Variants in CERKL observed in about 807,000 individuals in gnomAD.
The protein encoded by CERKL is ceramide kinase-like protein.
Under a neutral mutation model 63.4 loss-of-function variants are expected in CERKL, and 61 were observed. That is an observed-to-expected ratio of 0.96 (90% CI 0.78 to 1.19). The LOEUF (loss-of-function observed/expected upper bound fraction) is 1.19, where lower values mean the gene tolerates loss of function less well. CERKL is among the 50% of genes most tolerant of loss of function. The pLI is 0.00. For missense variants in CERKL, 675 were observed against 655.5 expected (o/e 1.03, Z -0.33); for synonymous variants, 250 against 230.5 (o/e 1.08, Z -0.77).
chr2:181,581,390 T>G (rs1684504642), intron 2 of CERKL, among the ~76,000 whole-genome samples: 1 of 152,188 alleles, frequency 6.6e-6, no homozygotes, highest in Admixed American at 6.5e-5. Flanking sequence ...CTGTATTATG[T>G]TTATGGAACT....
chr2:181,558,839 CAT>C lies in CERKL; in HGVS notation c.678-133_678-132del. 1 of 866,424 alleles carries C rather than the reference CAT, an allele frequency of 1.2e-6. No individual in the cohort carries two copies. The highest frequency in any genetic ancestry group is 2.6e-5 in the East Asian group (1 of 37,906). 53.7% of individuals were successfully genotyped at this position (866,424 alleles called of 1,614,324 possible). ...ATAACTGCTCACATGTACCTTTAAA[CAT>C]GTTAATATGTGTCAATGGGTAAGAC... On this transcript the variant is annotated intron_variant, in intron 4 of 12. Coordinates refer to ENST00000410087, the MANE Select transcript of CERKL (RefSeq NM_201548.5). The surrounding 1 kb of genome is among the most constrained non-coding windows in gnomAD (Gnocchi z 4.2).
chr2:181,555,411 T>C (rs574768327), intron 5 of CERKL, among the ~76,000 whole-genome samples: 2 of 152,200 alleles, frequency 1.3e-5, no homozygotes, highest in African/African-American at 2.4e-5. Flanking sequence ...GTCAAAATCA[T>C]CTTGGTGTCT....
intron 2 of CERKL, among the ~76,000 whole-genome samples, chr2:181,597,261 T>C (rs1321718141): frequency 6.6e-6 from 1 of 152,196 alleles, no homozygotes; most frequent in Non-Finnish European, 1.5e-5. Flanking sequence ...ACAATTCTGA[T>C]AAAATTAGGA....
intron 1 of CERKL, among the ~76,000 whole-genome samples, chr2:181,643,574 T>C (rs181416182): frequency 6.6e-6 from 1 of 152,354 alleles, no homozygotes; most frequent in East Asian, 1.9e-4. Context: ...ATGGCAATGG[T>C]AAGAATTGTT....
chr2:181,643,314 C>A (rs1418063577), intron 1 of CERKL, among the ~76,000 whole-genome samples: 1 of 152,180 alleles, frequency 6.6e-6, no homozygotes, highest in Non-Finnish European at 1.5e-5. Context: ...ACAACCTGTC[C>A]AAAGTCTGTT....
intron 1 of CERKL, among the ~76,000 whole-genome samples, chr2:181,634,695 A>G (rs1687101353): frequency 6.6e-6 from 1 of 152,170 alleles, no homozygotes; most frequent in South Asian, 2.1e-4. Context: ...GAAAAAGATC[A>G]TTGTTATTCT....
At chr2:181,541,838 C>T (rs1253295413) in intron 11 of CERKL, among the ~76,000 whole-genome samples, 3 of 152,138 alleles carry the variant, frequency 2.0e-5, no homozygotes, top group African/African-American at 4.8e-5. Flanking sequence ...GCCATTGACC[C>T]GCACAGAGCA....
chr2:181,634,447 G>A (rs775754108), intron 1 of CERKL, among the ~76,000 whole-genome samples: 1 of 152,114 alleles, frequency 6.6e-6, no homozygotes, highest in Admixed American at 6.5e-5. Flanking sequence ...GCAGACAAAA[G>A]AGCATCAGTA....
chr2:181,557,198 C>CA (rs1321807125), intron 5 of CERKL, among the ~76,000 whole-genome samples: 1 of 152,084 alleles, frequency 6.6e-6, no homozygotes, highest in African/African-American at 2.4e-5. Flanking sequence ...GTTGCCTGTT[C>CA]ACTCTGATGG....
chr2:181,603,760 T>C (rs1345373958), intron 2 of CERKL, 77 bp downstream of exon 2: 3 of 1,437,182 alleles, frequency 2.1e-6, no homozygotes, highest in Non-Finnish European at 2.9e-6. Flanking sequence ...AAGTTGTTTT[T>C]ACTCAAAACA....
chr2:181,623,717 G>T (rs1282797913), intron 1 of CERKL, among the ~76,000 whole-genome samples: 1 of 152,062 alleles, frequency 6.6e-6, no homozygotes, highest in East Asian at 1.9e-4. Context: ...TCTCTCATCT[G>T]CAATTCTGAA....
intron 12 of CERKL, 105 bp from the exon 13 acceptor site, chr2:181,538,349 C>T (rs1687305026): frequency 4.4e-6 from 3 of 678,284 alleles, no homozygotes; most frequent in Non-Finnish European, 8.0e-6. Flanking sequence ...TGATAACAAA[C>T]ACAGCATTCC....
chr2:181,604,187 A>G, intron 1 of CERKL, 108 bp from the exon 2 acceptor site: 1 of 882,768 alleles, frequency 1.1e-6, no homozygotes, highest in Non-Finnish European at 1.8e-6. Flanking sequence ...GAGAGGATCA[A>G]GAAAAATAAC....
intron 1 of CERKL, among the ~76,000 whole-genome samples, chr2:181,608,136 C>G (rs1685796369): frequency 6.6e-6 from 1 of 151,808 alleles, no homozygotes; most frequent in Non-Finnish European, 1.5e-5. Flanking sequence ...TCCCTAGTAA[C>G]TGGGACCACA....
chr2:181,641,324 T>TATATATATATATATATATAC (rs1687422271), intron 1 of CERKL, among the ~76,000 whole-genome samples: 1 of 108,716 alleles, frequency 9.2e-6, no homozygotes, highest in Admixed American at 8.4e-5. Flanking sequence ...TATATATATA[T>TATATATATATATATATATAC]ATATATATAT....
chr2:181,647,850 C>T (rs1352951309), intron 1 of CERKL, among the ~76,000 whole-genome samples: 1 of 151,794 alleles, frequency 6.6e-6, no homozygotes, highest in Non-Finnish European at 1.5e-5. Flanking sequence ...ATACAAACAA[C>T]CCAATGAAAT....
chr2:181,574,792 T>C (rs12479005), intron 2 of CERKL, among the ~76,000 whole-genome samples: 19,343 of 152,146 alleles, frequency 0.13, 1,592 homozygotes, highest in East Asian at 0.26. Context: ...CAAGTGAAAA[T>C]TGTCCACTAC....
Position 181,548,594 on chromosome 2 carries a change from A to G in CERKL, c.1084T>C (p.Cys362Arg). 1 of 1,613,206 alleles carries G rather than the reference A, an allele frequency of 6.2e-7. No individual in the cohort carries two copies. Residue 362 changes from cysteine (C) to arginine (R), a missense_variant, in exon 8 of 13, where the codon TGT (cysteine) becomes CGT (arginine). By Grantham distance (180) the Cys-to-Arg change is radical (BLOSUM62 -3). Coordinates refer to ENST00000410087, the MANE Select transcript of CERKL (RefSeq NM_201548.5). ...KALAKLKAED[C>R]EISFLPFNSS... Reference sequence around the variant, plus strand: ...TTAAATGGTAAAAATGATATTTCACAGTCTTCTGCCCTAAAATGTAATGAA... The same window carrying G: ...TTAAATGGTAAAAATGATATTTCACGGTCTTCTGCCCTAAAATGTAATGAA...
chr2:181,544,127 G>C (rs1475211230), intron 11 of CERKL, among the ~76,000 whole-genome samples: 1 of 152,080 alleles, frequency 6.6e-6, no homozygotes, highest in African/African-American at 2.4e-5. Context: ...CAAAACAGCT[G>C]CCAAAATAAT....
Sources: allele counts gnomAD v4.1 joint callset (sites outside exome capture counted in the v4.1 genomes callset), GRCh38; gene constraint gnomAD v4.1.1; non-coding constraint Gnocchi (gnomAD v3.1); transcripts MANE v1.5; gene names NCBI Gene and HGNC (gene_info 2026-07-23, HGNC 2026-07-21).